Variants in NIBAN2 observed in about 807,000 individuals in gnomAD.
NIBAN2 encodes protein Niban 2.
In NIBAN2, 36 loss-of-function variants were observed where a neutral mutation model predicts 81.8. The observed-to-expected ratio is 0.44, with a 90% confidence interval of 0.34 to 0.58. The LOEUF (loss-of-function observed/expected upper bound fraction) is 0.58. Among genes scored for constraint, NIBAN2 ranks in the 20% least tolerant of loss-of-function variants. NIBAN2 has a pLI of 0.02. For synonymous variants in NIBAN2, 445 were observed against 441.6 expected, an observed-to-expected ratio of 1.01 and a Z score of -0.10; for missense variants, 897 against 1,014.1, an observed-to-expected ratio of 0.88 and a Z score of 1.57.
chr9:127,562,903 T>A (rs1325376514), intron 1 of NIBAN2, among the ~76,000 whole-genome samples: 2 of 152,140 alleles, frequency 1.3e-5, no homozygotes, highest in African/African-American at 4.8e-5. Context: ...CTGGGAGAGA[T>A]GTTTACTATA....
At position 127,508,413 on chromosome 9, in the gene NIBAN2, G is replaced by GCCGCTCACCTTCAGCACCCGCTCCAGGAC; in HGVS notation, c.1414_1434+8dup. On this transcript the variant is annotated intron_variant, in intron 11 of 13. Transcript: ENST00000373312. This position sits in a 1 kb window ranked among gnomAD's most constrained non-coding sequence, Gnocchi z 6.4. ...AGGACGGTCCGGGGCAGGGCGTGGG[G>GCCGCTCACCTTCAGCACCCGCTCCAGGAC]CCGCTCACCTTCAGCACCCGCTCCA... The GCCGCTCACCTTCAGCACCCGCTCCAGGAC allele has an allele frequency of 2.5e-6, 4 of 1,602,992 alleles. No homozygotes were observed. Among genetic ancestry groups the GCCGCTCACCTTCAGCACCCGCTCCAGGAC allele is most frequent in the Non-Finnish European group, 3.4e-6 (4 of 1,175,498 alleles).
At chr9:127,520,047 T>G (rs1836906590) in intron 5 of NIBAN2, among the ~76,000 whole-genome samples, 1 of 152,074 alleles carries the variant, frequency 6.6e-6, no homozygotes, top group Non-Finnish European at 1.5e-5. Flanking sequence ...CCTTGACCCT[T>G]GGGATTCTCT....
intron 1 of NIBAN2, among the ~76,000 whole-genome samples, chr9:127,540,307 T>C (rs1387204576): frequency 6.6e-6 from 1 of 152,164 alleles, no homozygotes; most frequent in Non-Finnish European, 1.5e-5. Flanking sequence ...AGGCCCACTG[T>C]GCAGATAGGG....
rs768168932 is a variant in NIBAN2 at position 127,517,175 on chromosome 9, C to A, written c.747G>T (p.Leu249=). ...TCAGCCGCGGGCCGAGCTCTGCCTTCAGCTCAGGGCCCAGCTCCTCCATCA... is the reference window on the plus strand; with the variant it reads ...TCAGCCGCGGGCCGAGCTCTGCCTTAAGCTCAGGGCCCAGCTCCTCCATCA... ...NLVMEELGPE[L]KAELGPRLKG... is the part of the protein sequence containing the mutation. Residue 249 remains leucine, a synonymous_variant, in exon 7 of 14, where the codon CTG becomes CTT. Coordinates refer to ENST00000373312, the MANE Select transcript of NIBAN2 (RefSeq NM_022833.4). This position sits in a 1 kb window ranked among gnomAD's most constrained non-coding sequence, Gnocchi z 4.0. The A allele has an allele frequency of 6.2e-7, 1 of 1,614,066 alleles. No individual in the cohort carries two copies. The highest frequency in any genetic ancestry group is 8.5e-7 in the Non-Finnish European group (1 of 1,179,988).
rs755649797 is a variant in NIBAN2, at chr9:127,527,200, G to A, written c.309C>T (p.Asn103=). The part of the protein sequence containing the change: ...PHNYGLVLYE[N]KAAYERQVPP... ...GCCCGGGGCCAGGCCTCACCGCTTT[G>A]TTTTCGTAGAGCACCAGCCCGTAGT... is the stretch of plus-strand genomic sequence containing the variant. Residue 103 remains asparagine (N), a synonymous_variant, in exon 3 of 14, where the codon AAC becomes AAT. Coordinates refer to ENST00000373312, the MANE Select transcript of NIBAN2 (RefSeq NM_022833.4). The A allele has an allele frequency of 6.2e-7, 1 of 1,613,332 alleles. No homozygotes were observed. The highest frequency in any genetic ancestry group is 1.3e-5 in the African/African-American group (1 of 74,896).
intron 4 of NIBAN2, among the ~76,000 whole-genome samples, chr9:127,524,474 C>T (rs1325066488): frequency 6.6e-6 from 1 of 152,196 alleles, no homozygotes; most frequent in African/African-American, 2.4e-5. Context: ...CCTCTTAGTG[C>T]CTGTGCTTTG....
intron 1 of NIBAN2, among the ~76,000 whole-genome samples, chr9:127,558,004 T>C (rs2491105): frequency 0.22 from 32,718 of 151,778 alleles, 3,589 homozygotes; most frequent in East Asian, 0.28. Context: ...CCCAGGAGAG[T>C]CCTAGGGGGT....
At chr9:127,516,405 C>G (rs974495250) in intron 8 of NIBAN2, among the ~76,000 whole-genome samples, 6 of 151,988 alleles carry the variant, frequency 3.9e-5, no homozygotes, top group African/African-American at 1.2e-4. Flanking sequence ...GTTAGCCGGG[C>G]ATGGTGGCGC....
chr9:127,558,095 G>A (rs1192369538), intron 1 of NIBAN2, among the ~76,000 whole-genome samples: 1 of 152,150 alleles, frequency 6.6e-6, no homozygotes, highest in East Asian at 1.9e-4. Context: ...GAGTGGGGGT[G>A]GGAGGGGAGT....
rs571256903 is a variant in NIBAN2 at position 127,563,216 on chromosome 9, CAG to C, written c.55+5602_55+5603del. On this transcript the variant is annotated intron_variant, in intron 1 of 13. Coordinates refer to ENST00000373312, the MANE Select transcript of NIBAN2 (RefSeq NM_022833.4). This position sits in a 1 kb window ranked among gnomAD's most constrained non-coding sequence, Gnocchi z 4.1. ...TCAGGCCCCAGCAGTGGAAAAGGAA[CAG>C]AGTCAGGGGGACTAGAGGAGGCTGG... 3.8e-4 allele frequency among the ~76,000 whole-genome samples: 58 copies of C among 152,284 alleles called. No homozygotes were observed. The highest frequency in any genetic ancestry group is 8.7e-4 in the African/African-American group (36 of 41,570).
chr9:127,531,356 C>T (rs909338898), intron 2 of NIBAN2, among the ~76,000 whole-genome samples: 6 of 151,992 alleles, frequency 3.9e-5, no homozygotes, highest in African/African-American at 7.3e-5. Context: ...TGGTGGTGCA[C>T]GCCTGTGGTC....
intron 1 of NIBAN2, among the ~76,000 whole-genome samples, chr9:127,561,902 G>C (rs1837780543): frequency 6.6e-6 from 1 of 152,224 alleles, no homozygotes; most frequent in Non-Finnish European, 1.5e-5. Context: ...CTGCCCAGCA[G>C]CGTCTACAGA....
chr9:127,554,514 C>T (rs1837630429), intron 1 of NIBAN2, among the ~76,000 whole-genome samples: 1 of 150,104 alleles, frequency 6.7e-6, no homozygotes, highest in Non-Finnish European at 1.5e-5. Context: ...CCACTAAATA[C>T]AGTCAATAGG....
At chr9:127,533,567 G>A (rs1321540809) in intron 1 of NIBAN2, among the ~76,000 whole-genome samples, 1 of 152,198 alleles carries the variant, frequency 6.6e-6, no homozygotes, top group African/African-American at 2.4e-5. Context: ...CAGGGAGGTC[G>A]AGGCTGCAGC....
At chr9:127,547,543 C>CAAA (rs1428697584) in intron 1 of NIBAN2, among the ~76,000 whole-genome samples, 4 of 145,762 alleles carry the variant, frequency 2.7e-5, no homozygotes, top group African/African-American at 1.0e-4. Flanking sequence ...ACAACAACAA[C>CAAA]AAAAAACAGC....
In NIBAN2 at chr9:127,559,062, T is replaced by C. The variant is rs1250038649; in HGVS notation, c.55+9758A>G. 6.6e-6 allele frequency among the ~76,000 whole-genome samples: 1 copy of C among 152,198 alleles called. No individual in the cohort carries two copies. The highest frequency in any genetic ancestry group is 1.5e-5 in the Non-Finnish European group (1 of 68,032). On this transcript the variant is annotated intron_variant, in intron 1 of 13. Transcript: ENST00000373312. The surrounding 1 kb of genome is among the most constrained non-coding windows in gnomAD (Gnocchi z 4.0). ...AAGCCAGACACGCTGCCTCTTGAGATGGGCCGACTGAGTGCTGAAACCAAC... is the reference window on the plus strand; with the variant it reads ...AAGCCAGACACGCTGCCTCTTGAGACGGGCCGACTGAGTGCTGAAACCAAC...
rs370720142 is a variant in NIBAN2 at position 127,527,220 on chromosome 9, C to A, written c.289G>T (p.Gly97Trp). The change falls in exon 3 of 14, where the codon GGG (glycine) becomes TGG (tryptophan). Residue 97 changes from glycine (G) to tryptophan (W), a missense_variant. Physicochemically the swap from Gly to Trp is radical, Grantham distance 184. This residue lies in a region of NIBAN2 where 209 missense variants were observed against 208.4 expected (regional missense o/e 1.00). Coordinates refer to ENST00000373312, the MANE Select transcript of NIBAN2 (RefSeq NM_022833.4). ...NRFSLVPHNY[G>W]LVLYENKAAY... Reference sequence around the variant, plus strand: ...GCTTTGTTTTCGTAGAGCACCAGCCCGTAGTTGTGGGGCACGAGGCTGAAG... The same window carrying A: ...GCTTTGTTTTCGTAGAGCACCAGCCAGTAGTTGTGGGGCACGAGGCTGAAG... The A allele has an allele frequency of 1.9e-6, 3 of 1,613,874 alleles. No homozygotes were observed. The highest frequency in any genetic ancestry group is 2.2e-5 in the South Asian group (2 of 91,072).
At chr9:127,526,132 T>G (rs1165438810) in intron 3 of NIBAN2, among the ~76,000 whole-genome samples, 1 of 151,940 alleles carries the variant, frequency 6.6e-6, no homozygotes, top group Non-Finnish European at 1.5e-5. Flanking sequence ...CCGGGTGCAG[T>G]GGCTCACGCC....
rs1157732767 is a variant in NIBAN2 at position 127,526,168 on chromosome 9, G to A, written c.316-1005C>T. Among the ~76,000 whole-genome samples, 6 of 152,144 alleles carry A rather than the reference G, an allele frequency of 3.9e-5. No homozygotes were observed. In the East Asian group the frequency reaches 9.7e-4, roughly 25 times the overall value. On this transcript the variant is annotated intron_variant, in intron 3 of 13. Transcript: ENST00000373312. Reference sequence around the variant, plus strand: ...TGTAATCGCAGCACTTTGGGAGGCCGAGGTGGGCAGATCATGAGGTCAGGA... The same window carrying A: ...TGTAATCGCAGCACTTTGGGAGGCCAAGGTGGGCAGATCATGAGGTCAGGA...
Sources: gnomAD v4.1 joint callset for allele counts (sites outside exome capture counted in the v4.1 genomes callset) on GRCh38, gnomAD v4.1.1 for gene constraint, gnomAD v4.1.1 regional missense constraint, Gnocchi (gnomAD v3.1) non-coding constraint, MANE v1.5 for transcripts, NCBI Gene and HGNC (gene_info 2026-07-23, HGNC 2026-07-21) for gene names.